The following DENND1A variants were observed in gnomAD, a reference collection of about 807,000 sequenced individuals.
The protein encoded by DENND1A is DENN domain containing 1A.
A neutral mutation model predicts 113.7 loss-of-function variants in DENND1A; 51 were observed. The ratio of observed to expected loss-of-function variants is 0.45; its 90% confidence interval spans 0.36 to 0.57. The LOEUF (loss-of-function observed/expected upper bound fraction) is 0.57. Among genes scored for constraint, DENND1A ranks in the 20% least tolerant of loss-of-function variants. The pLI is 0.00. For synonymous variants in DENND1A, 565 were observed against 570.8 expected, an observed-to-expected ratio of 0.99 and a Z score of 0.14; for missense variants, 1,258 against 1,395.9, an observed-to-expected ratio of 0.90 and a Z score of 1.57.
At chr9:123,495,171 T>TCTCTC (rs1564598042) in intron 13 of DENND1A, among the ~76,000 whole-genome samples, 89 of 76,354 alleles carry the variant, frequency 1.2e-3, no homozygotes, top group African/African-American at 5.0e-3. Flanking sequence ...CTCTCTCTCT[T>TCTCTC]ATAATGTCTG....
chr9:123,781,409 T>A (rs7853164), intron 3 of DENND1A, among the ~76,000 whole-genome samples: 4,920 of 152,048 alleles, frequency 0.032, 257 homozygotes, highest in African/African-American at 0.11. Flanking sequence ...AACTGGAGAG[T>A]GGTGCTAAAA....
intron 3 of DENND1A, among the ~76,000 whole-genome samples, chr9:123,776,191 C>A (rs571856929): frequency 6.6e-6 from 1 of 152,140 alleles, no homozygotes; most frequent in Non-Finnish European, 1.5e-5. Flanking sequence ...TATAATTAAG[C>A]CCTAACACAT....
chr9:123,385,695 A>T (rs1044274431), intron 22 of DENND1A, among the ~76,000 whole-genome samples: 2 of 152,204 alleles, frequency 1.3e-5, no homozygotes, highest in African/African-American at 4.8e-5. Flanking sequence ...CAGGCCAGGA[A>T]GTCGGACTTA....
chr9:123,773,224 A>G (rs1829992419), intron 3 of DENND1A, among the ~76,000 whole-genome samples: 1 of 152,202 alleles, frequency 6.6e-6, no homozygotes, highest in Non-Finnish European at 1.5e-5. Flanking sequence ...TGTAATAGAA[A>G]AGTAACATCT....
intron 12 of DENND1A, among the ~76,000 whole-genome samples, chr9:123,582,010 A>G (rs1265624101): frequency 6.6e-6 from 1 of 152,266 alleles, no homozygotes; most frequent in African/African-American, 2.4e-5. Context: ...GGCAGATGTT[A>G]GCATGGCAAA....
chr9:123,732,075 T>C (rs188051619), intron 5 of DENND1A, among the ~76,000 whole-genome samples: 21 of 152,364 alleles, frequency 1.4e-4, no homozygotes, highest in Admixed American at 8.5e-4. Flanking sequence ...ACTGGAACTC[T>C]GACACCTTGC....
Position 123,644,892 on chromosome 9 carries a change from T to C in DENND1A, c.618+7121A>G, listed in dbSNP as rs180947026. 1.8e-3 allele frequency among the ~76,000 whole-genome samples: 279 copies of C among 152,318 alleles called. 1 individual carries two copies. The highest frequency in any genetic ancestry group is 6.4e-3 in the African/African-American group (265 of 41,572). ...TGCTGATGGAATTGTATTATCTCTA[T>C]TAAGATCTTTGACCTACTTGCTCTC... is the stretch of plus-strand genomic sequence containing the variant. On this transcript the variant is annotated intron_variant, in intron 9 of 23. Coordinates refer to ENST00000394215, the MANE Select transcript of DENND1A (RefSeq NM_001352964.2).
chr9:123,771,692 A>T (rs1829757425), intron 3 of DENND1A, among the ~76,000 whole-genome samples: 1 of 152,190 alleles, frequency 6.6e-6, no homozygotes. Context: ...TACTCACTAC[A>T]ATATAGAAAC....
chr9:123,456,089 CTGTT>C (rs1370001610), intron 15 of DENND1A, among the ~76,000 whole-genome samples: 1 of 152,176 alleles, frequency 6.6e-6, no homozygotes, highest in East Asian at 1.9e-4. Context: ...CTGGCTATTG[CTGTT>C]TGTAGACTTC....
intron 1 of DENND1A, among the ~76,000 whole-genome samples, chr9:123,879,974 C>T (rs1848085120): frequency 6.6e-6 from 1 of 152,156 alleles, no homozygotes; most frequent in Non-Finnish European, 1.5e-5. Context: ...TATTATTATA[C>T]TCTTACTTGT....
intron 18 of DENND1A, among the ~76,000 whole-genome samples, chr9:123,447,497 C>A (rs2047392059): frequency 6.6e-6 from 1 of 152,182 alleles, no homozygotes; most frequent in Admixed American, 6.5e-5. Context: ...CTCCATACAT[C>A]ATGGTGACCT....
intron 18 of DENND1A, among the ~76,000 whole-genome samples, chr9:123,442,731 G>A (rs888073075): frequency 6.6e-6 from 1 of 152,126 alleles, no homozygotes; most frequent in Admixed American, 6.5e-5. Context: ...CTTAGTTCAC[G>A]CTTATAAGTA....
At chr9:123,644,332 T>A (rs1173675697) in intron 9 of DENND1A, among the ~76,000 whole-genome samples, 1 of 148,462 alleles carries the variant, frequency 6.7e-6, no homozygotes. Context: ...TTCTTACACA[T>A]TTATTCTGTG....
intron 12 of DENND1A, among the ~76,000 whole-genome samples, chr9:123,579,608 A>T (rs2058791081): frequency 6.6e-6 from 1 of 152,118 alleles, no homozygotes. Flanking sequence ...TTTAGGAGGG[A>T]TGAGGAAGAG....
Position 123,457,890 on chromosome 9 carries a change from G to C in DENND1A, c.1001C>G (p.Pro334Arg), listed in dbSNP as rs1245312051. 1 of 1,609,494 alleles carries C rather than the reference G, an allele frequency of 6.2e-7. No individual in the cohort carries two copies. Among genetic ancestry groups the C allele is most frequent in the South Asian group, 1.1e-5 (1 of 89,912 alleles). ...GAAGGCTTCCTCACAGAAAGTGATC[G>C]GCTCCTCCTGGGAAGTGCAGAGGGG... ...RNALKIEPEE[P>R]ITFCEEAFVS... The change falls in exon 14 of 24, where the codon CCG becomes CGG. Residue 334 changes from proline to arginine, a missense_variant. Physicochemically the swap from Pro to Arg is moderately radical, Grantham distance 103. Transcript: ENST00000394215.
intron 1 of DENND1A, among the ~76,000 whole-genome samples, chr9:123,920,118 C>T (rs1050794577): frequency 1.3e-5 from 2 of 151,876 alleles, no homozygotes; most frequent in African/African-American, 4.8e-5. Context: ...GTTCAAGCAC[C>T]AAGAAGAAAA....
At chr9:123,926,646 T>C (rs1857154527) in intron 1 of DENND1A, among the ~76,000 whole-genome samples, 2 of 149,488 alleles carry the variant, frequency 1.3e-5, no homozygotes, top group Non-Finnish European at 3.0e-5. Context: ...TAGAAATTTA[T>C]AAAATATAAA....
At chr9:123,906,474 GAAAA>G (rs1265558200) in intron 1 of DENND1A, among the ~76,000 whole-genome samples, 2 of 70,992 alleles carry the variant, frequency 2.8e-5, no homozygotes, top group East Asian at 3.1e-4. Context: ...GACTAATAAA[GAAAA>G]AAAGAGAGAA....
intron 12 of DENND1A, among the ~76,000 whole-genome samples, chr9:123,569,984 C>T (rs142295196): frequency 1.3e-4 from 20 of 152,294 alleles, no homozygotes; most frequent in Admixed American, 2.6e-4. Flanking sequence ...TCTGGTCCCT[C>T]CTGTCTATTT....
Sources: allele counts gnomAD v4.1 joint callset (sites outside exome capture counted in the v4.1 genomes callset), GRCh38; gene constraint gnomAD v4.1.1; transcripts MANE v1.5; gene names NCBI Gene and HGNC (gene_info 2026-07-23, HGNC 2026-07-21).